ERBB4: variants seen among roughly 807,000 people sequenced by gnomAD.
ERBB4 encodes the protein receptor tyrosine-protein kinase erbB-4.
A neutral mutation model predicts 158.0 loss-of-function variants in ERBB4; 42 were observed. The ratio of observed to expected loss-of-function variants is 0.27; its 90% CI spans 0.21 to 0.34. The LOEUF (loss-of-function observed/expected upper bound fraction) is 0.34. ERBB4 is among the 10% of genes least tolerant of loss of function. ERBB4 has a pLI of 1.00. For missense variants in ERBB4, 1,333 were observed against 1,624.1 expected, an observed-to-expected ratio of 0.82 and a Z score of 3.08; for synonymous variants, 583 against 558.7, an observed-to-expected ratio of 1.04 and a Z score of -0.61.
At chr2:212,531,026 T>C (rs1367790762) in intron 1 of ERBB4, among the ~76,000 whole-genome samples, 4 of 152,180 alleles carry the variant, frequency 2.6e-5, no homozygotes, top group Non-Finnish European at 4.4e-5. Context: ...TTAGTACGCT[T>C]CAGTAACCCC....
intron 3 of ERBB4, among the ~76,000 whole-genome samples, chr2:211,932,082 A>G (rs901351428): frequency 6.6e-6 from 1 of 152,086 alleles, no homozygotes; most frequent in Non-Finnish European, 1.5e-5. Flanking sequence ...CTACAACTTC[A>G]TGTTGCTAGG....
intron 2 of ERBB4, among the ~76,000 whole-genome samples, chr2:212,066,985 A>T (rs1367249906): frequency 6.6e-6 from 1 of 152,022 alleles, no homozygotes; most frequent in Non-Finnish European, 1.5e-5. Context: ...CTGATAAGAA[A>T]GAATTATGGT....
intron 2 of ERBB4, among the ~76,000 whole-genome samples, chr2:211,985,426 T>C (rs1219371009): frequency 6.6e-6 from 1 of 152,204 alleles, no homozygotes; most frequent in Non-Finnish European, 1.5e-5. Flanking sequence ...AGCATAAACA[T>C]GGGAATATGC....
chr2:212,237,917 C>T (rs557397721), intron 1 of ERBB4, among the ~76,000 whole-genome samples: 108 of 152,244 alleles, frequency 7.1e-4, no homozygotes, highest in Middle Eastern at 3.4e-3. Context: ...TAATAGCGGA[C>T]GCCCCTCCCC....
At chr2:211,482,164 C>T (rs1346003710) in intron 20 of ERBB4, among the ~76,000 whole-genome samples, 1 of 152,178 alleles carries the variant, frequency 6.6e-6, no homozygotes, top group Non-Finnish European at 1.5e-5. Flanking sequence ...TGCAGAGTGT[C>T]CCTCTTTGAG....
intron 1 of ERBB4, among the ~76,000 whole-genome samples, chr2:212,127,806 T>A (rs999891332): frequency 6.6e-6 from 1 of 151,998 alleles, no homozygotes; most frequent in Admixed American, 6.6e-5. Flanking sequence ...GGTAGAGCTA[T>A]GTACCTACAA....
In ERBB4 at chr2:211,380,870, A is replaced by G. The variant is rs769242674; in HGVS notation, c.*2745T>C. On this transcript the variant is annotated 3_prime_UTR_variant, in exon 28 of 28. Transcript: ENST00000342788. ...TAACAGTTAAAAGTTTGTTTTAACT[A>G]TTCATTTTTTCCTTCTCCAAAATGA... 20 of 231,938 alleles carry G rather than the reference A, an allele frequency of 8.6e-5. No individual in the cohort carries two copies. Among genetic ancestry groups the G allele is most frequent in the Non-Finnish European group, 1.5e-4 (18 of 117,322 alleles). 14.4% of individuals were successfully genotyped at this position (231,938 alleles called of 1,614,324 possible).
intron 2 of ERBB4, among the ~76,000 whole-genome samples, chr2:212,114,969 A>G (rs1377731331): frequency 6.6e-6 from 1 of 152,214 alleles, no homozygotes; most frequent in Non-Finnish European, 1.5e-5. Context: ...GGTGCTGGGC[A>G]TCATGATAGA....
intron 1 of ERBB4, among the ~76,000 whole-genome samples, chr2:212,128,634 G>C (rs891501649): frequency 6.6e-6 from 1 of 152,154 alleles, no homozygotes; most frequent in Non-Finnish European, 1.5e-5. Context: ...GTTACACACA[G>C]AAAGGATTAA....
intron 3 of ERBB4, among the ~76,000 whole-genome samples, chr2:211,918,229 G>A (rs1028159620): frequency 6.6e-6 from 1 of 152,110 alleles, no homozygotes; most frequent in Non-Finnish European, 1.5e-5. Context: ...CTTTGGAAAA[G>A]TAATTAATAC....
intron 20 of ERBB4, among the ~76,000 whole-genome samples, chr2:211,516,731 C>A (rs1285016737): frequency 1.3e-5 from 2 of 152,078 alleles, no homozygotes; most frequent in Non-Finnish European, 2.9e-5. Flanking sequence ...ACGCTGCAGT[C>A]AGAGTGTATA....
chr2:211,609,740 A>G (rs939757517), intron 19 of ERBB4, among the ~76,000 whole-genome samples: 2 of 152,000 alleles, frequency 1.3e-5, no homozygotes, highest in Non-Finnish European at 2.9e-5. Flanking sequence ...TCCTCCTATT[A>G]ATTTGCATCA....
chr2:212,499,490 A>C (rs13411815), intron 1 of ERBB4, among the ~76,000 whole-genome samples: 19,682 of 152,070 alleles, frequency 0.13, 1,354 homozygotes, highest in Non-Finnish European at 0.15. Context: ...CCCTATTTAA[A>C]TAATTATTTA....
intron 2 of ERBB4, among the ~76,000 whole-genome samples, chr2:212,005,699 TG>T (rs1016919031): frequency 6.6e-6 from 1 of 152,216 alleles, no homozygotes; most frequent in Non-Finnish European, 1.5e-5. Context: ...CAGATTTAAA[TG>T]GTAAAAATGT....
intron 1 of ERBB4, among the ~76,000 whole-genome samples, chr2:212,377,836 T>C (rs999251658): frequency 6.6e-6 from 1 of 152,024 alleles, no homozygotes; most frequent in African/African-American, 2.4e-5. Flanking sequence ...AGTTTTTTAA[T>C]TTTTTAAAAC....
At chr2:211,772,474 C>A (rs2075716459) in intron 4 of ERBB4, among the ~76,000 whole-genome samples, 1 of 151,564 alleles carries the variant, frequency 6.6e-6, no homozygotes, top group Non-Finnish European at 1.5e-5. Context: ...GCAAAAAGAC[C>A]TAGGGGAAGA....
At chr2:211,630,799 AAAT>A (rs1167518760) in intron 16 of ERBB4, among the ~76,000 whole-genome samples, 2 of 152,174 alleles carry the variant, frequency 1.3e-5, no homozygotes, top group African/African-American at 4.8e-5. Flanking sequence ...TGTGTTTAAC[AAAT>A]AATAAACCAT....
chr2:212,437,281 C>T (rs1415771114), intron 1 of ERBB4, among the ~76,000 whole-genome samples: 1 of 151,948 alleles, frequency 6.6e-6, no homozygotes, highest in Non-Finnish European at 1.5e-5. Flanking sequence ...CTCTGGGATA[C>T]AAGGATTTCC....
intron 20 of ERBB4, among the ~76,000 whole-genome samples, chr2:211,548,136 A>G (rs527597859): frequency 1.3e-5 from 2 of 152,182 alleles, no homozygotes; most frequent in South Asian, 4.1e-4. Context: ...ATTCTCTCTT[A>G]CCCCTTACTA....
Sources: gnomAD v4.1 joint callset for allele counts (sites outside exome capture counted in the v4.1 genomes callset) on GRCh38, gnomAD v4.1.1 for gene constraint, MANE v1.5 for transcripts, NCBI Gene and HGNC (gene_info 2026-07-23, HGNC 2026-07-21) for gene names.